IGF2BP2: variants seen among roughly 807,000 people sequenced by gnomAD.
The protein encoded by IGF2BP2 is insulin like growth factor 2 mRNA binding protein 2, also known as insulin-like growth factor 2 mRNA-binding protein 2.
Under a neutral mutation model 75.8 loss-of-function variants are expected in IGF2BP2, and 17 were observed. The observed-to-expected ratio is 0.22, with a 90% CI of 0.15 to 0.34. IGF2BP2 has a LOEUF of 0.34. IGF2BP2 is among the 10% of genes least tolerant of loss of function. The pLI is 1.00. For synonymous variants in IGF2BP2, 288 were observed against 295.6 expected, an observed-to-expected ratio of 0.97 and a Z score of 0.26; for missense variants, 516 against 772.4, an observed-to-expected ratio of 0.67 and a Z score of 3.93.
intron 2 of IGF2BP2, among the ~76,000 whole-genome samples, chr3:185,790,483 T>C (rs1309780769): frequency 6.6e-6 from 1 of 152,182 alleles, no homozygotes; most frequent in African/African-American, 2.4e-5. Flanking sequence ...TACTAATCTA[T>C]GGAAAGAAAT....
chr3:185,704,232 C>T (rs910053638), intron 2 of IGF2BP2, among the ~76,000 whole-genome samples: 3 of 152,162 alleles, frequency 2.0e-5, no homozygotes, highest in East Asian at 1.9e-4. Flanking sequence ...AAACCACCAG[C>T]GCTCCCAGCC....
At chr3:185,756,981 T>G (rs1003193035) in intron 2 of IGF2BP2, among the ~76,000 whole-genome samples, 2 of 152,022 alleles carry the variant, frequency 1.3e-5, no homozygotes, top group African/African-American at 2.4e-5. Context: ...AATAAATAAA[T>G]AAAAGAAACT....
intron 2 of IGF2BP2, among the ~76,000 whole-genome samples, chr3:185,743,210 A>C (rs1220378380): frequency 6.6e-6 from 1 of 152,248 alleles, no homozygotes; most frequent in Non-Finnish European, 1.5e-5. Context: ...GTAACAAATA[A>C]AACACACCAT....
At chr3:185,693,989 C>T (rs1722263280) in intron 4 of IGF2BP2, among the ~76,000 whole-genome samples, 1 of 152,140 alleles carries the variant, frequency 6.6e-6, no homozygotes, top group Non-Finnish European at 1.5e-5. Context: ...GGACCTGAGA[C>T]CCCGAAAAGC....
intron 2 of IGF2BP2, chr3:185,713,602 T>C (rs61237907): frequency 1.0e-3 from 452 of 438,618 alleles, no homozygotes; most frequent in African/African-American, 7.7e-3. Flanking sequence ...ATTTTTAACA[T>C]TGCGATTCTG....
At chr3:185,680,421 T>C (rs1314216925) in intron 7 of IGF2BP2, among the ~76,000 whole-genome samples, 2 of 152,022 alleles carry the variant, frequency 1.3e-5, no homozygotes, top group Admixed American at 6.6e-5. Flanking sequence ...TCCAAAAAAA[T>C]GAAGAGGAGG....
intron 12 of IGF2BP2, 77 bp downstream of exon 12, chr3:185,657,209 G>A (rs770441917): frequency 1.5e-5 from 14 of 947,444 alleles, no homozygotes; most frequent in Non-Finnish European, 2.2e-5. Context: ...GGCGCTGCCT[G>A]GGACTGAGAG....
chr3:185,803,646 T>C (rs752772722), intron 2 of IGF2BP2, among the ~76,000 whole-genome samples: 6 of 152,238 alleles, frequency 3.9e-5, no homozygotes, highest in Non-Finnish European at 5.9e-5. Flanking sequence ...CAGATATTTG[T>C]GTCTCAATGG....
chr3:185,775,711 G>T (rs1479578416), intron 2 of IGF2BP2, among the ~76,000 whole-genome samples: 2 of 152,170 alleles, frequency 1.3e-5, no homozygotes, highest in African/African-American at 2.4e-5. Flanking sequence ...AAGAGAAATG[G>T]AGATCACTGA....
At chr3:185,785,730 T>C (rs1305661931) in intron 2 of IGF2BP2, among the ~76,000 whole-genome samples, 1 of 152,128 alleles carries the variant, frequency 6.6e-6, no homozygotes, top group Non-Finnish European at 1.5e-5. Flanking sequence ...GGAGGATCAC[T>C]TGAACCCAGA....
intron 2 of IGF2BP2, chr3:185,722,031 T>C (rs1196749598): frequency 7.3e-6 from 2 of 273,206 alleles, no homozygotes; most frequent in Non-Finnish European, 1.4e-5. Context: ...ATTTTATTGA[T>C]ATAAGATCAC....
intron 2 of IGF2BP2, among the ~76,000 whole-genome samples, chr3:185,782,224 G>C (rs946594245): frequency 2.0e-5 from 3 of 152,128 alleles, no homozygotes; most frequent in Admixed American, 6.6e-5. Flanking sequence ...AATGTGCCAG[G>C]AAAATTTTAA....
At chr3:185,769,599 G>A (rs1292953994) in intron 2 of IGF2BP2, among the ~76,000 whole-genome samples, 1 of 151,918 alleles carries the variant, frequency 6.6e-6, no homozygotes, top group East Asian at 1.9e-4. Context: ...CACTTTTGGA[G>A]GTTTGAGGCA....
rs1164588813 is a variant in IGF2BP2, at chr3:185,677,044, G to GATATATATAT, written c.813-1141_813-1132dup. The stretch of plus-strand genomic sequence containing the variant: ...GGAGAGAGATATATATATATATGGA[G>GATATATATAT]ATATATATATATATATATATATATA... On this transcript the variant is annotated intron_variant, in intron 7 of 15. Coordinates refer to ENST00000382199, the MANE Select transcript of IGF2BP2 (RefSeq NM_006548.6). 5.3e-3 allele frequency among the ~76,000 whole-genome samples: 126 copies of GATATATATAT among 23,830 alleles called. 17 individuals carry two copies. The highest frequency in any genetic ancestry group is 0.024 in the East Asian group (10 of 422). The allele number at this position is 23,830 out of a possible 152,430, so 15.6% of individuals were successfully genotyped here. A position where few individuals can be genotyped will look rare whatever the true frequency, so the allele number is the denominator to read the frequency against.
chr3:185,778,759 C>T (rs1400208709), intron 2 of IGF2BP2, among the ~76,000 whole-genome samples: 1 of 152,308 alleles, frequency 6.6e-6, no homozygotes. Flanking sequence ...TTTCACTGAA[C>T]CAGAGTCAAC....
intron 2 of IGF2BP2, among the ~76,000 whole-genome samples, chr3:185,768,216 AGAAAAAG>A (rs1733354258): frequency 6.6e-6 from 1 of 152,230 alleles, no homozygotes; most frequent in African/African-American, 2.4e-5. Flanking sequence ...TACCTCCTAC[AGAAAAAG>A]GAAAAAGGAA....
At chr3:185,655,200 C>T (rs552763972) in intron 12 of IGF2BP2, among the ~76,000 whole-genome samples, 210 of 152,322 alleles carry the variant, frequency 1.4e-3, no homozygotes, top group Non-Finnish European at 2.4e-3. Flanking sequence ...GGCGTGATCT[C>T]GGCTCACTGC....
intron 2 of IGF2BP2, among the ~76,000 whole-genome samples, chr3:185,796,617 GAAAAAAAA>G (rs539355035): frequency 2.6e-5 from 2 of 75,952 alleles, no homozygotes; most frequent in African/African-American, 1.1e-4. Flanking sequence ...CCTGAGCTAG[GAAAAAAAA>G]AAAAAAAAAG....
At chr3:185,663,620 CAG>C (rs1035975812) in intron 10 of IGF2BP2, among the ~76,000 whole-genome samples, 1 of 151,894 alleles carries the variant, frequency 6.6e-6, no homozygotes, top group Non-Finnish European at 1.5e-5. Context: ...ATGAAGAAAT[CAG>C]GGGGTGGGAG....
Sources: gnomAD v4.1 joint callset for allele counts (sites outside exome capture counted in the v4.1 genomes callset) on GRCh38, gnomAD v4.1.1 for gene constraint, MANE v1.5 for transcripts, NCBI Gene and HGNC (gene_info 2026-07-23, HGNC 2026-07-21) for gene names.